RNF217: variants seen among roughly 807,000 people sequenced by gnomAD.
RNF217 encodes E3 ubiquitin-protein ligase RNF217.
In RNF217, 31 loss-of-function variants were observed where a neutral mutation model predicts 57.8. That is an observed-to-expected ratio of 0.54 (90% CI 0.40 to 0.72). RNF217 has a LOEUF of 0.72. Among genes scored for constraint, RNF217 ranks in the 30% least tolerant of loss-of-function variants. The pLI is 0.00. For missense variants in RNF217, 696 were observed against 708.3 expected, an observed-to-expected ratio of 0.98 and a Z score of 0.20; for synonymous variants, 313 against 294.0, an observed-to-expected ratio of 1.06 and a Z score of -0.66.
chr6:124,976,364 G>A (rs1783963267), intron 1 of RNF217, among the ~76,000 whole-genome samples: 1 of 145,922 alleles, frequency 6.9e-6, no homozygotes, highest in South Asian at 2.1e-4. Context: ...CACCTCCTGG[G>A]TTCAAGCAAT....
intron 1 of RNF217, among the ~76,000 whole-genome samples, chr6:124,973,051 T>A (rs974290219): frequency 2.0e-5 from 3 of 152,226 alleles, no homozygotes; most frequent in Non-Finnish European, 2.9e-5. Context: ...AAATAATTAA[T>A]ACAGTAGGAG....
intron 1 of RNF217, among the ~76,000 whole-genome samples, chr6:125,004,508 T>C (rs1343375254): frequency 6.6e-6 from 1 of 152,164 alleles, no homozygotes; most frequent in Non-Finnish European, 1.5e-5. Flanking sequence ...AATAACTGTC[T>C]GGCAAATTAA....
intron 2 of RNF217, among the ~76,000 whole-genome samples, chr6:125,046,293 G>A (rs1029823112): frequency 2.0e-5 from 3 of 152,042 alleles, no homozygotes; most frequent in Non-Finnish European, 2.9e-5. Flanking sequence ...AAGTTTGGAT[G>A]TAACTCTGTA....
At chr6:125,073,384 C>T (rs1173658235) in intron 3 of RNF217, among the ~76,000 whole-genome samples, 1 of 152,186 alleles carries the variant, frequency 6.6e-6, no homozygotes, top group East Asian at 1.9e-4. Flanking sequence ...CAAAGACCTT[C>T]ACCTGCACAG....
chr6:125,052,646 A>T (rs1434995194), intron 2 of RNF217, among the ~76,000 whole-genome samples: 2 of 152,108 alleles, frequency 1.3e-5, no homozygotes, highest in Non-Finnish European at 2.9e-5. Flanking sequence ...ATTTGATGTT[A>T]TAAGGGAGCA....
At chr6:125,009,094 G>C (rs990489838) in intron 1 of RNF217, 9 of 719,782 alleles carry the variant, frequency 1.3e-5, no homozygotes, top group Non-Finnish European at 1.9e-5. Flanking sequence ...GTGCTTTCCT[G>C]AACAGACGTG....
chr6:124,981,807 A>G (rs1226102124), intron 1 of RNF217, among the ~76,000 whole-genome samples: 1 of 151,820 alleles, frequency 6.6e-6, no homozygotes, highest in Non-Finnish European at 1.5e-5. Context: ...CCACTAGGTC[A>G]AGAGATAGAG....
intron 1 of RNF217, among the ~76,000 whole-genome samples, chr6:125,037,955 C>T (rs575035): frequency 6.6e-6 from 1 of 151,998 alleles, no homozygotes; most frequent in African/African-American, 2.4e-5. Flanking sequence ...AGCAATGAGG[C>T]CTGAGATTTG....
intron 1 of RNF217, among the ~76,000 whole-genome samples, chr6:125,006,909 A>C (rs975808073): frequency 6.6e-6 from 1 of 152,374 alleles, no homozygotes; most frequent in South Asian, 2.1e-4. Flanking sequence ...AGATCGCGCC[A>C]TTGCGCTCTA....
chr6:125,005,644 G>C (rs1296706195), intron 1 of RNF217, among the ~76,000 whole-genome samples: 1 of 152,104 alleles, frequency 6.6e-6, no homozygotes, highest in Non-Finnish European at 1.5e-5. Flanking sequence ...AATCTTGAAG[G>C]AGCACTTAAT....
Position 125,092,586 on chromosome 6 carries a change from A to G in RNF217, c.*9649A>G, listed in dbSNP as rs1562506981. ...TACCACATGATGTGTGCAATACATC[A>G]TGCAATGTTATTTAGCAATGCGTAA... is the stretch of plus-strand genomic sequence containing the variant. On this transcript the variant is annotated 3_prime_UTR_variant, in exon 6 of 6. Coordinates refer to ENST00000521654, the MANE Select transcript of RNF217 (RefSeq NM_001286398.3). 1 of 152,238 alleles carries G rather than the reference A, an allele frequency of 6.6e-6. No individual in the cohort carries two copies. The highest frequency in any genetic ancestry group is 1.5e-5 in the Non-Finnish European group (1 of 68,046). 9.4% of individuals were successfully genotyped at this position (152,238 alleles called of 1,614,324 possible).
intron 1 of RNF217, among the ~76,000 whole-genome samples, chr6:125,042,014 C>A (rs553020395): frequency 6.6e-6 from 1 of 152,078 alleles, no homozygotes; most frequent in South Asian, 2.1e-4. Context: ...AAAATGCATT[C>A]TTGAATTGAT....
Position 125,089,775 on chromosome 6 carries a change from C to T in RNF217, c.*6838C>T, listed in dbSNP as rs918257213. 2.0e-5 allele frequency: 3 copies of T among 152,046 alleles called. No individual in the cohort carries two copies. Among genetic ancestry groups the T allele is most frequent in the Non-Finnish European group, 4.4e-5 (3 of 68,002 alleles). The allele number at this position is 152,046 out of a possible 1,614,324, so 9.4% of individuals were successfully genotyped here. A position where few individuals can be genotyped will look rare whatever the true frequency, so the allele number is the denominator to read the frequency against. ...CTGCGAATCTGTGATGTGTTCACTT[C>T]GCCATGCCCCAGCTTGGGAAATATT... is the stretch of plus-strand genomic sequence containing the variant. On this transcript the variant is annotated 3_prime_UTR_variant, in exon 6 of 6. Coordinates refer to ENST00000521654, the MANE Select transcript of RNF217 (RefSeq NM_001286398.3).
At chr6:125,031,300 A>G (rs1389296380) in intron 1 of RNF217, among the ~76,000 whole-genome samples, 1 of 152,216 alleles carries the variant, frequency 6.6e-6, no homozygotes, top group African/African-American at 2.4e-5. Flanking sequence ...GGGGATTAAC[A>G]TTAGGCTTCT....
chr6:125,059,788 A>T (rs1787662957), intron 3 of RNF217, among the ~76,000 whole-genome samples: 1 of 152,246 alleles, frequency 6.6e-6, no homozygotes, highest in African/African-American at 2.4e-5. Context: ...TAAACTGTTA[A>T]GAGAAAGCAT....
At chr6:125,030,596 C>G (rs1463549105) in intron 1 of RNF217, among the ~76,000 whole-genome samples, 1 of 152,204 alleles carries the variant, frequency 6.6e-6, no homozygotes, top group African/African-American at 2.4e-5. Flanking sequence ...TTTTAAAGTT[C>G]CAAAATGATC....
chr6:125,006,119 C>G (rs1463276284), intron 1 of RNF217: 1 of 152,172 alleles, frequency 6.6e-6, no homozygotes, highest in Non-Finnish European at 1.5e-5. Context: ...CCCAGGAACT[C>G]CTGCCTTTTT....
At chr6:125,074,054 C>G (rs1052256034) in intron 3 of RNF217, among the ~76,000 whole-genome samples, 3 of 152,074 alleles carry the variant, frequency 2.0e-5, no homozygotes, top group African/African-American at 7.2e-5. Context: ...AGAAGCTTAC[C>G]TGCCAAGTGT....
chr6:125,035,493 A>G (rs553150855), intron 1 of RNF217, among the ~76,000 whole-genome samples: 8 of 151,870 alleles, frequency 5.3e-5, no homozygotes, highest in South Asian at 2.1e-4. Flanking sequence ...TTTACAGACT[A>G]TTTTTCTTAT....
Sources: gnomAD v4.1 joint callset for allele counts (sites outside exome capture counted in the v4.1 genomes callset) on GRCh38, gnomAD v4.1.1 for gene constraint, MANE v1.5 for transcripts, NCBI Gene and HGNC (gene_info 2026-07-23, HGNC 2026-07-21) for gene names.